LAMC2: variants seen among roughly 807,000 people sequenced by gnomAD.
The protein encoded by LAMC2 is laminin subunit gamma 2.
A neutral mutation model predicts 140.2 loss-of-function variants in LAMC2; 97 were observed. The observed-to-expected ratio is 0.69, with a 90% CI of 0.59 to 0.82. The LOEUF is 0.82. Among genes scored for constraint, LAMC2 ranks in the 40% least tolerant of loss-of-function variants. LAMC2 has a pLI of 0.00. For missense variants in LAMC2, 1,402 were observed against 1,476.1 expected, an observed-to-expected ratio of 0.95 and a Z score of 0.82; for synonymous variants, 513 against 540.2, an observed-to-expected ratio of 0.95 and a Z score of 0.70.
intron 4 of LAMC2, among the ~76,000 whole-genome samples, chr1:183,219,894 T>C (rs6424892): frequency 0.26 from 39,129 of 152,056 alleles, 5,806 homozygotes; most frequent in African/African-American, 0.39. Flanking sequence ...GCCTCAGCCA[T>C]GTACCTGCTA....
At position 183,235,713 on chromosome 1, in the gene LAMC2, G is replaced by A. The variant is rs369641317; in HGVS notation, c.2439G>A (p.Val813=). The A allele has an allele frequency of 6.8e-6, 11 of 1,614,082 alleles. No homozygotes were observed. Among genetic ancestry groups the A allele is most frequent in the South Asian group, 4.4e-5 (4 of 91,086 alleles). The change falls in exon 16 of 23, where the codon GTG becomes GTA. Residue 813 remains valine, a synonymous_variant. Transcript: ENST00000264144. ...SGSGSPDGAV[V]QGLVEKLEKT... is the part of the protein sequence containing the mutation. ...GCGGTAGCCCGGACGGTGCTGTGGT[G>A]CAAGGGCTTGTGGAAAAGTACGTTC...
intron 1 of LAMC2, among the ~76,000 whole-genome samples, chr1:183,206,785 C>A (rs1417411284): frequency 1.3e-5 from 2 of 152,208 alleles, no homozygotes; most frequent in Non-Finnish European, 2.9e-5. Context: ...TAAGTCACGC[C>A]CTAGAAACAT....
intron 20 of LAMC2, 126 bp downstream of exon 20, chr1:183,239,689 C>A: frequency 1.2e-6 from 1 of 806,310 alleles, no homozygotes; most frequent in Non-Finnish European, 2.0e-6. Context: ...CCCATGGGAG[C>A]CCCAGATTAA....
the LAMC2 span, chr1:183,252,620 T>C: frequency 6.5e-7 from 1 of 1,549,658 alleles, no homozygotes; most frequent in Non-Finnish European, 8.9e-7. Context: ...GGCCATTGTG[T>C]TGCCGGAGGA....
rs2102221892 is a variant in LAMC2 at position 183,221,955 on chromosome 1, G to A, written c.641-134G>A. 3 of 1,072,460 alleles carry A rather than the reference G, an allele frequency of 2.8e-6. No homozygotes were observed. In the South Asian group the frequency reaches 3.8e-5, roughly 14 times the overall value. 66.4% of individuals were successfully genotyped at this position (1,072,460 alleles called of 1,614,324 possible). A position where few individuals can be genotyped will look rare whatever the true frequency, so the allele number is the denominator to read the frequency against. On this transcript the variant is annotated intron_variant, in intron 5 of 22. Transcript: ENST00000264144. ...ACATGCAGAATTTTAAGGACCATTTGCAAATGTGGAAATATTGAGAAAACC... is the reference window on the plus strand; with the variant it reads ...ACATGCAGAATTTTAAGGACCATTTACAAATGTGGAAATATTGAGAAAACC...
chr1:183,234,353 T>C lies in LAMC2; in HGVS notation c.2221-14T>C. 1 of 1,611,086 alleles carries C rather than the reference T, an allele frequency of 6.2e-7. No homozygotes were observed. Among genetic ancestry groups the C allele is most frequent in the Non-Finnish European group, 8.5e-7 (1 of 1,177,378 alleles). Reference sequence around the variant, plus strand: ...TTAACCGATTCGCCTTAACCGATTCTCCTTTTCCCACAGAACATTCCTGCC... The same window carrying C: ...TTAACCGATTCGCCTTAACCGATTCCCCTTTTCCCACAGAACATTCCTGCC... On this transcript the variant is annotated splice_polypyrimidine_tract_variant and intron_variant, in intron 14 of 22. Transcript: ENST00000264144.
intron 1 of LAMC2, among the ~76,000 whole-genome samples, chr1:183,205,746 A>G (rs565343987): frequency 2.0e-5 from 3 of 152,228 alleles, no homozygotes; most frequent in Admixed American, 1.3e-4. Context: ...TTGGATGTAA[A>G]ACAACACCCA....
chr1:183,252,743 C>T, the LAMC2 span: 335 of 1,612,220 alleles, frequency 2.1e-4, no homozygotes, highest in African/African-American at 3.7e-3. Flanking sequence ...GCAGGGCCAG[C>T]CTGCACAAGA....
At chr1:183,216,228 C>G (rs534625387) in intron 3 of LAMC2, among the ~76,000 whole-genome samples, 1 of 152,270 alleles carries the variant, frequency 6.6e-6, no homozygotes, top group East Asian at 1.9e-4. Flanking sequence ...AGGAGCTGCC[C>G]TCCAGCCATA....
intron 1 of LAMC2, among the ~76,000 whole-genome samples, chr1:183,196,408 A>T (rs1196803644): frequency 6.6e-6 from 1 of 152,244 alleles, no homozygotes; most frequent in Non-Finnish European, 1.5e-5. Flanking sequence ...AAGTGGTGGG[A>T]TTACAGGCAT....
Position 183,240,048 on chromosome 1 carries a change from G to A in LAMC2, c.3078G>A (p.Gly1026=), listed in dbSNP as rs757829009. ...TCCTTTTCTTCTCTCAGGAGATTGGGAGTCTGAACTTGGAAGCCAATGTGA... is the reference window on the plus strand; with the variant it reads ...TCCTTTTCTTCTCTCAGGAGATTGGAAGTCTGAACTTGGAAGCCAATGTGA... ...EISSEIEQEI[G]SLNLEANVTA... The change falls in exon 21 of 23, where the codon GGG becomes GGA. Residue 1026 remains glycine, a synonymous_variant. Transcript: ENST00000264144. 4 of 1,614,034 alleles carry A rather than the reference G, an allele frequency of 2.5e-6. No homozygotes were observed. Among genetic ancestry groups the A allele is most frequent in the Non-Finnish European group, 3.4e-6 (4 of 1,180,030 alleles).
At chr1:183,201,160 G>T (rs928433373) in intron 1 of LAMC2, among the ~76,000 whole-genome samples, 3 of 152,138 alleles carry the variant, frequency 2.0e-5, no homozygotes, top group African/African-American at 4.8e-5. Context: ...AGTGTCCCTG[G>T]CTTTGTACCA....
In LAMC2 at chr1:183,186,300, G is replaced by A; in HGVS notation, c.-53G>A. On this transcript the variant is annotated 5_prime_UTR_variant, in exon 1 of 23. Transcript: ENST00000264144. Reference sequence around the variant, plus strand: ...CAGAGTGAGAACCACCAACCGAGGCGCCGGGCAGCGACCCCTGCAGCGGAG... The same window carrying A: ...CAGAGTGAGAACCACCAACCGAGGCACCGGGCAGCGACCCCTGCAGCGGAG... 1 of 1,546,858 alleles carries A rather than the reference G, an allele frequency of 6.5e-7. No individual in the cohort carries two copies. The highest frequency in any genetic ancestry group is 8.7e-7 in the Non-Finnish European group (1 of 1,151,652).
intron 1 of LAMC2, among the ~76,000 whole-genome samples, chr1:183,194,155 C>T (rs1277807801): frequency 1.3e-5 from 2 of 151,716 alleles, no homozygotes; most frequent in Non-Finnish European, 2.9e-5. Flanking sequence ...CCTGATGTCA[C>T]GTGATCTGCC....
At chr1:183,222,996 C>A (rs12139018) in intron 6 of LAMC2, 139 bp from the exon 7 acceptor site, 1 of 731,298 alleles carries the variant, frequency 1.4e-6, no homozygotes, top group African/African-American at 1.7e-5. Flanking sequence ...AGTACCAGGT[C>A]CTGACTCTCC....
intron 19 of LAMC2, 90 bp from the exon 20 acceptor site, chr1:183,239,274 C>G: frequency 8.6e-7 from 1 of 1,169,564 alleles, no homozygotes; most frequent in Non-Finnish European, 1.3e-6. Context: ...AACACTCTTT[C>G]AGGAATTTTT....
In LAMC2 at chr1:183,234,373, C is replaced by A. The variant is rs929201002; in HGVS notation, c.2227C>A (p.Pro743Thr). The change falls in exon 15 of 23, where the codon CCT becomes ACT. Residue 743 changes from proline (P) to threonine (T), a missense_variant. Coordinates refer to ENST00000264144, the MANE Select transcript of LAMC2 (RefSeq NM_005562.3). ...GATTCTCCTTTTCCCACAGAACATT[C>A]CTGCCTCAGACCACTACGTGGGGCC... ...SEASLGNTNI[P>T]ASDHYVGPNG... The A allele has an allele frequency of 6.2e-6, 10 of 1,613,916 alleles. No individual in the cohort carries two copies. The highest frequency in any genetic ancestry group is 8.5e-6 in the Non-Finnish European group (10 of 1,179,808).
rs1659576730 is a variant in LAMC2, at chr1:183,224,706, AC to A, written c.954-901del. On this transcript the variant is annotated intron_variant, in intron 7 of 22. Transcript: ENST00000264144. The stretch of plus-strand genomic sequence containing the variant: ...CACACACACACACACACACACACAC[AC>A]AGCTCTCCTGCCTGGAATACTCGTT... Among the ~76,000 whole-genome samples, 3 of 149,044 alleles carry A rather than the reference AC, an allele frequency of 2.0e-5. No individual in the cohort carries two copies. In the South Asian group the frequency reaches 6.4e-4, roughly 32 times the overall value.
intron 1 of LAMC2, among the ~76,000 whole-genome samples, chr1:183,196,962 G>T (rs112486841): frequency 2.0e-5 from 3 of 152,150 alleles, no homozygotes; most frequent in Non-Finnish European, 4.4e-5. Flanking sequence ...AAGTAGATAG[G>T]GTAAGACCAT....
Sources: gnomAD v4.1 joint callset for allele counts (sites outside exome capture counted in the v4.1 genomes callset) on GRCh38, gnomAD v4.1.1 for gene constraint, MANE v1.5 for transcripts, NCBI Gene and HGNC (gene_info 2026-07-23, HGNC 2026-07-21) for gene names.